Variants in RPS6KC1 observed in about 807,000 individuals in gnomAD.
The protein encoded by RPS6KC1 is inactive ribosomal protein S6 kinase delta-1.
A neutral mutation model predicts 103.8 loss-of-function variants in RPS6KC1; 54 were observed. That is an observed-to-expected ratio of 0.52 (90% CI 0.42 to 0.65). RPS6KC1 has a LOEUF of 0.65. Among genes scored for constraint, RPS6KC1 ranks in the 30% least tolerant of loss-of-function variants. RPS6KC1 has a pLI of 0.00. For synonymous variants in RPS6KC1, 439 were observed against 438.7 expected, an observed-to-expected ratio of 1.00 and a Z score of -0.01; for missense variants, 1,151 against 1,253.8, an observed-to-expected ratio of 0.92 and a Z score of 1.24.
chr1:213,421,193 C>G, the RPS6KC1 span, among the ~76,000 whole-genome samples: 1 of 149,518 alleles, frequency 6.7e-6, no homozygotes, highest in Non-Finnish European at 1.5e-5. Flanking sequence ...CACACTGTAA[C>G]CTCTGCCTCC....
At chr1:213,535,472 C>T in the RPS6KC1 span, among the ~76,000 whole-genome samples, 1 of 152,178 alleles carries the variant, frequency 6.6e-6, no homozygotes. Context: ...ATCATATCTG[C>T]CTGGGGCCCT....
In RPS6KC1 at chr1:213,071,060, T is replaced by G. The variant is rs368849685; in HGVS notation, c.141+19T>G. On this transcript the variant is annotated intron_variant, in intron 2 of 14. Coordinates refer to ENST00000366960, the MANE Select transcript of RPS6KC1 (RefSeq NM_012424.6). ...CCAGGAGGTAACATTTATATGAAGA[T>G]TTTATTTTATGTATTTGATAAAAAT... The G allele has an allele frequency of 2.7e-6, 4 of 1,456,990 alleles. No homozygotes were observed. The highest frequency in any genetic ancestry group is 1.3e-5 in the South Asian group (1 of 79,376). 90.3% of individuals were successfully genotyped at this position (1,456,990 alleles called of 1,614,324 possible).
chr1:213,396,207 C>A, the RPS6KC1 span, among the ~76,000 whole-genome samples: 1 of 152,136 alleles, frequency 6.6e-6, no homozygotes, highest in Admixed American at 6.5e-5. Flanking sequence ...CTCTCTGGGC[C>A]TCTGTTCCCT....
the RPS6KC1 span, among the ~76,000 whole-genome samples, chr1:213,682,401 G>A: frequency 2.6e-5 from 4 of 152,124 alleles, no homozygotes; most frequent in Non-Finnish European, 5.9e-5. Context: ...CACGTCTTCT[G>A]CCAGGCACCC....
the RPS6KC1 span, among the ~76,000 whole-genome samples, chr1:213,561,855 T>C: frequency 6.6e-6 from 1 of 152,236 alleles, no homozygotes; most frequent in Non-Finnish European, 1.5e-5. Flanking sequence ...TACCTGGATG[T>C]GTCTACCCCA....
the RPS6KC1 span, among the ~76,000 whole-genome samples, chr1:213,341,796 TAAG>T: frequency 6.6e-6 from 1 of 152,206 alleles, no homozygotes; most frequent in African/African-American, 2.4e-5. Flanking sequence ...ACATAGCTAG[TAAG>T]AAGAAGAGCT....
At chr1:213,287,968 TAGTAA>T in the RPS6KC1 span, among the ~76,000 whole-genome samples, 69,328 of 151,950 alleles carry the variant, frequency 0.46, 18,999 homozygotes, top group East Asian at 0.66. Flanking sequence ...TAATCTTTCA[TAGTAA>T]TAGTAACTGC....
At chr1:213,759,445 T>C in the RPS6KC1 span, among the ~76,000 whole-genome samples, 1 of 152,224 alleles carries the variant, frequency 6.6e-6, no homozygotes, top group East Asian at 1.9e-4. Context: ...TGTAATTCTT[T>C]ATATATTTCT....
chr1:213,247,703 A>G (rs999458186), intron 12 of RPS6KC1, among the ~76,000 whole-genome samples: 2 of 152,160 alleles, frequency 1.3e-5, no homozygotes. Context: ...TAACAGTAGT[A>G]AAATAGATTT....
the RPS6KC1 span, among the ~76,000 whole-genome samples, chr1:213,436,929 A>G: frequency 3.9e-5 from 6 of 152,232 alleles, no homozygotes; most frequent in Admixed American, 3.3e-4. Flanking sequence ...TTTGTAACCA[A>G]TTATATATCT....
chr1:213,207,154 T>C (rs889321760), intron 8 of RPS6KC1, among the ~76,000 whole-genome samples: 56 of 152,096 alleles, frequency 3.7e-4, no homozygotes, highest in Admixed American at 3.5e-3. Context: ...CACCCCAAAA[T>C]ACACTGCTTT....
chr1:213,242,734 T>C (rs1440480853), intron 12 of RPS6KC1, 76 bp downstream of exon 12: 28 of 1,142,450 alleles, frequency 2.5e-5, no homozygotes, highest in Non-Finnish European at 3.3e-5. Context: ...AAGTTGTATT[T>C]TTGTATTGTT....
the RPS6KC1 span, among the ~76,000 whole-genome samples, chr1:213,520,404 T>C: frequency 6.6e-6 from 1 of 152,104 alleles, no homozygotes; most frequent in East Asian, 1.9e-4. Context: ...AACCACCCCA[T>C]GATTCAGTTG....
chr1:213,343,391 GTATATATA>G, the RPS6KC1 span, among the ~76,000 whole-genome samples: 616 of 65,828 alleles, frequency 9.4e-3, 11 homozygotes, highest in South Asian at 0.024. Flanking sequence ...AGTGTTGTGT[GTATATATA>G]TATATATATA....
At chr1:213,081,634 T>C (rs1383270828) in intron 3 of RPS6KC1, among the ~76,000 whole-genome samples, 1 of 151,824 alleles carries the variant, frequency 6.6e-6, no homozygotes, top group African/African-American at 2.4e-5. Context: ...TATAAAAGAC[T>C]GTGGCATCTC....
chr1:213,408,368 G>A, the RPS6KC1 span, among the ~76,000 whole-genome samples: 7 of 152,334 alleles, frequency 4.6e-5, no homozygotes, highest in Non-Finnish European at 8.8e-5. Context: ...CTTCCAGGGT[G>A]TGGGGGTTAG....
chr1:213,612,233 A>G, the RPS6KC1 span, among the ~76,000 whole-genome samples: 3 of 152,262 alleles, frequency 2.0e-5, no homozygotes, highest in African/African-American at 7.2e-5. Context: ...ATTCTGATGC[A>G]CACTCAGGCT....
the RPS6KC1 span, among the ~76,000 whole-genome samples, chr1:213,855,434 C>T: frequency 3.3e-4 from 51 of 152,326 alleles, no homozygotes; most frequent in African/African-American, 9.6e-4. Flanking sequence ...TCACCTGACA[C>T]TGCCTGAGAA....
chr1:213,356,644 A>AAGAAAACAAGAGC, the RPS6KC1 span, among the ~76,000 whole-genome samples: 1 of 152,322 alleles, frequency 6.6e-6, no homozygotes, highest in East Asian at 1.9e-4. Context: ...TGACAAGAGC[A>AAGAAAACAAGAGC]AAGCTCCATC....
Sources: gnomAD v4.1 joint callset for allele counts (sites outside exome capture counted in the v4.1 genomes callset) on GRCh38, gnomAD v4.1.1 for gene constraint, MANE v1.5 for transcripts, NCBI Gene and HGNC (gene_info 2026-07-23, HGNC 2026-07-21) for gene names.